Variants in UACA observed in about 807,000 individuals in gnomAD.
UACA encodes the protein uveal autoantigen with coiled-coil domains and ankyrin repeats.
A neutral mutation model predicts 160.5 loss-of-function variants in UACA; 112 were observed. The ratio of observed to expected loss-of-function variants is 0.70; its 90% CI spans 0.60 to 0.82. UACA has a LOEUF of 0.82. Ranked by LOEUF, UACA falls within the 40% of genes least tolerant of loss-of-function variation. The pLI is 0.00. For synonymous variants in UACA, 557 were observed against 568.4 expected (o/e 0.98, Z 0.29); for missense variants, 1,574 against 1,614.6 (o/e 0.97, Z 0.43).
intron 1 of UACA, among the ~76,000 whole-genome samples, chr15:70,704,210 T>G (rs1303315166): frequency 6.6e-6 from 1 of 152,238 alleles, no homozygotes. Flanking sequence ...AATCCACATC[T>G]GCTTCATGAA....
intron 16 of UACA, 63 bp from the exon 17 acceptor site, chr15:70,664,877 T>C (rs1595868000): frequency 2.8e-6 from 4 of 1,432,116 alleles, no homozygotes; most frequent in East Asian, 4.9e-5. Flanking sequence ...AACATCTTTG[T>C]ACAGAAATCA....
intron 16 of UACA, among the ~76,000 whole-genome samples, chr15:70,666,267 T>C (rs548931531): frequency 1.3e-5 from 2 of 152,254 alleles, no homozygotes; most frequent in South Asian, 4.1e-4. Context: ...ATGTAGACTT[T>C]CTAGTCTGTA....
At chr15:70,735,768 C>T (rs1490665226) in intron 1 of UACA, among the ~76,000 whole-genome samples, 1 of 152,142 alleles carries the variant, frequency 6.6e-6, no homozygotes, top group Non-Finnish European at 1.5e-5. Context: ...CTCGACCTCC[C>T]AGGCTCAAGT....
At chr15:70,671,935 T>G (rs62016910) in intron 14 of UACA, 30 bp downstream of exon 14, 74,169 of 1,563,890 alleles carry the variant, frequency 0.047, 2,307 homozygotes, top group South Asian at 0.13. Context: ...CTAGGTGAAC[T>G]GTAATGATAA....
chr15:70,654,663 T>C lies in UACA; in HGVS notation c.*2393A>G, dbSNP rs1194429299. 6.6e-6 allele frequency: 1 copy of C among 151,460 alleles called. No homozygotes were observed. The highest frequency in any genetic ancestry group is 1.5e-5 in the Non-Finnish European group (1 of 67,864). The allele number at this position is 151,460 out of a possible 1,614,324, so 9.4% of individuals were successfully genotyped here. A position where few individuals can be genotyped will look rare whatever the true frequency, so the allele number is the denominator to read the frequency against. ...TGGGGAAGTGACAAAAAAAAAAAACTACACAGAACAAGAGTAATAAAGTTC... is the reference window on the plus strand; with the variant it reads ...TGGGGAAGTGACAAAAAAAAAAAACCACACAGAACAAGAGTAATAAAGTTC... On this transcript the variant is annotated 3_prime_UTR_variant, in exon 19 of 19. Coordinates refer to ENST00000322954, the MANE Select transcript of UACA (RefSeq NM_018003.4).
At chr15:70,764,035 G>A (rs1397691661), upstream of UACA, among the ~76,000 whole-genome samples, 3 of 152,180 alleles carry the variant, frequency 2.0e-5, no homozygotes, top group Non-Finnish European at 4.4e-5. Flanking sequence ...ACCACCACAC[G>A]CATCAAAAAT....
chr15:70,774,337 G>A, the UACA span, among the ~76,000 whole-genome samples: 1 of 151,974 alleles, frequency 6.6e-6, no homozygotes, highest in Admixed American at 6.6e-5. Context: ...ACGAGGTCAG[G>A]CGATCGAGAC....
chr15:70,695,120 A>T lies in UACA; in HGVS notation c.213-15T>A. 2.5e-6 allele frequency: 4 copies of T among 1,572,390 alleles called. No individual in the cohort carries two copies. Among genetic ancestry groups the T allele is most frequent in the Non-Finnish European group, 3.5e-6 (4 of 1,159,358 alleles). On this transcript the variant is annotated splice_polypyrimidine_tract_variant and intron_variant, in intron 2 of 18. Coordinates refer to ENST00000322954, the MANE Select transcript of UACA (RefSeq NM_018003.4). Reference sequence around the variant, plus strand: ...CAACATGGAAGCTAAACAAAAAAAAAATATTTGTTGTGCTAAGGAAACAAC... The same window carrying T: ...CAACATGGAAGCTAAACAAAAAAAATATATTTGTTGTGCTAAGGAAACAAC...
chr15:70,727,727 T>C (rs1266128731), intron 1 of UACA, among the ~76,000 whole-genome samples: 1 of 152,254 alleles, frequency 6.6e-6, no homozygotes, highest in Non-Finnish European at 1.5e-5. Context: ...TTTAATGTAT[T>C]AATTACTAAA....
chr15:70,750,706 C>G (rs190230304), intron 1 of UACA, among the ~76,000 whole-genome samples: 1 of 152,084 alleles, frequency 6.6e-6, no homozygotes. Flanking sequence ...CCTGTCTCTA[C>G]AAAAAATAAA....
Position 70,667,218 on chromosome 15 carries a change from A to G in UACA, c.3466T>C (p.Leu1156=), listed in dbSNP as rs1896946259. Residue 1156 remains leucine, a synonymous_variant, in exon 16 of 19, where the codon TTG becomes CTG. Coordinates refer to ENST00000322954, the MANE Select transcript of UACA (RefSeq NM_018003.4). ...QQTVTKLHQL[L]ENQKNSSVPL... ...ACAGAAGAGTTCTTTTGATTCTCCA[A>G]CAATTGATGCAGTTTGGTCACTGTC... The G allele has an allele frequency of 6.2e-7, 1 of 1,613,946 alleles. No homozygotes were observed. The highest frequency in any genetic ancestry group is 8.5e-7 in the Non-Finnish European group (1 of 1,179,960).
chr15:70,737,430 G>T (rs1899402896), intron 1 of UACA, among the ~76,000 whole-genome samples: 1 of 152,104 alleles, frequency 6.6e-6, no homozygotes, highest in African/African-American at 2.4e-5. Context: ...AACTTGGCTG[G>T]GCACAGTGGC....
the UACA span, among the ~76,000 whole-genome samples, chr15:70,771,700 T>A: frequency 2.0e-5 from 3 of 152,170 alleles, no homozygotes; most frequent in African/African-American, 7.2e-5. Flanking sequence ...AGAATGATTG[T>A]AGATTGGGTA....
At position 70,721,517 on chromosome 15, in the gene UACA, C is replaced by A. The variant is rs1043649237; in HGVS notation, c.79-21857G>T. Among the ~76,000 whole-genome samples the A allele has an allele frequency of 6.4e-4, 97 of 151,984 alleles. 1 individual carries two copies. The highest frequency in any genetic ancestry group is 2.3e-3 in the African/African-American group (97 of 41,450). On this transcript the variant is annotated intron_variant, in intron 1 of 18. Transcript: ENST00000322954. ...TGGCGGGAGCCTGTAGTTCCAGCTA[C>A]TCGGGAGGCTGAGGCAGGAGAATGG...
chr15:70,683,993 A>G (rs529770126), intron 8 of UACA, among the ~76,000 whole-genome samples: 1 of 152,080 alleles, frequency 6.6e-6, no homozygotes, highest in South Asian at 2.1e-4. Context: ...AAAACTTAGT[A>G]AAACACTTGA....
the UACA span, among the ~76,000 whole-genome samples, chr15:70,769,864 G>C: frequency 1.3e-5 from 2 of 152,124 alleles, no homozygotes; most frequent in East Asian, 3.9e-4. Context: ...GGCTGTGGTG[G>C]TGGGCACCTG....
rs745719709 is a variant in UACA, at chr15:70,677,109, T to A, written c.1031A>T (p.Glu344Val). 6.2e-7 allele frequency: 1 copy of A among 1,603,870 alleles called. No homozygotes were observed. The highest frequency in any genetic ancestry group is 8.5e-7 in the Non-Finnish European group (1 of 1,174,898). Residue 344 changes from glutamate (E) to valine (V), a missense_variant and splice_region_variant, in exon 12 of 19, where the codon GAG becomes GTG. Coordinates refer to ENST00000322954, the MANE Select transcript of UACA (RefSeq NM_018003.4). ...EVMVADDLES[E>V]REKLKSLLAA... ...GTTTAAAATAAAATGTCACCCTACCTCGCTTTCCAGATCATCAGCAACCAT... is the reference window on the plus strand; with the variant it reads ...GTTTAAAATAAAATGTCACCCTACCACGCTTTCCAGATCATCAGCAACCAT...
chr15:70,737,256 A>G (rs1472898639), intron 1 of UACA, among the ~76,000 whole-genome samples: 2 of 152,218 alleles, frequency 1.3e-5, no homozygotes, highest in Non-Finnish European at 2.9e-5. Flanking sequence ...TGTATTATCA[A>G]CAGATTAAAG....
intron 2 of UACA, among the ~76,000 whole-genome samples, chr15:70,699,014 T>C (rs559311601): frequency 6.6e-6 from 1 of 152,286 alleles, no homozygotes; most frequent in African/African-American, 2.4e-5. Context: ...TTATCCTGCC[T>C]CCTTTCTGCT....
Sources: allele counts gnomAD v4.1 joint callset (sites outside exome capture counted in the v4.1 genomes callset), GRCh38; gene constraint gnomAD v4.1.1; transcripts MANE v1.5; gene names NCBI Gene and HGNC (gene_info 2026-07-23, HGNC 2026-07-21).